The following DLG2 variants were observed in gnomAD, a reference collection of about 807,000 sequenced individuals.
DLG2 encodes the protein disks large homolog 2.
A neutral mutation model predicts 132.5 loss-of-function variants in DLG2; 45 were observed. The observed-to-expected ratio is 0.34, with a 90% CI of 0.27 to 0.44. DLG2 has a LOEUF of 0.44. DLG2 is among the 20% of genes least tolerant of loss of function. The pLI, the probability that DLG2 is intolerant of heterozygous loss-of-function variation, is 1.00. For synonymous variants in DLG2, 424 were observed against 419.6 expected (o/e 1.01, Z -0.13); for missense variants, 1,045 against 1,196.9 (o/e 0.87, Z 1.87).
At chr11:85,570,228 T>C (rs1002481901) in intron 3 of DLG2, among the ~76,000 whole-genome samples, 3 of 152,212 alleles carry the variant, frequency 2.0e-5, no homozygotes, top group African/African-American at 7.2e-5. Flanking sequence ...TAAATGTGGT[T>C]ATCTGATATT....
intron 4 of DLG2, among the ~76,000 whole-genome samples, chr11:85,232,823 A>T (rs1565192716): frequency 6.6e-6 from 1 of 152,024 alleles, no homozygotes; most frequent in East Asian, 1.9e-4. Flanking sequence ...TAACACATGG[A>T]AAGACAGGAA....
At chr11:84,963,279 G>A (rs2052850717) in intron 6 of DLG2, among the ~76,000 whole-genome samples, 1 of 152,092 alleles carries the variant, frequency 6.6e-6, no homozygotes, top group African/African-American at 2.4e-5. Flanking sequence ...ATTAATTCTT[G>A]AGCATTCAGT....
chr11:85,090,497 A>G (rs1183317771), intron 6 of DLG2, among the ~76,000 whole-genome samples: 1 of 152,168 alleles, frequency 6.6e-6, no homozygotes, highest in Admixed American at 6.5e-5. Flanking sequence ...ACATGCACTC[A>G]TATTTTCACA....
intron 3 of DLG2, among the ~76,000 whole-genome samples, chr11:85,597,917 T>C (rs1305847834): frequency 2.0e-5 from 3 of 151,566 alleles, no homozygotes; most frequent in African/African-American, 7.2e-5. Flanking sequence ...GGGAAAAGTA[T>C]TTGTTTATTT....
intron 6 of DLG2, among the ~76,000 whole-genome samples, chr11:84,760,163 C>T (rs912352732): frequency 6.6e-6 from 1 of 152,176 alleles, no homozygotes; most frequent in East Asian, 1.9e-4. Flanking sequence ...TCAATAGTAG[C>T]CAACACAGTC....
At chr11:83,887,865 T>C (rs984027546) in intron 15 of DLG2, among the ~76,000 whole-genome samples, 3 of 129,836 alleles carry the variant, frequency 2.3e-5, no homozygotes, top group East Asian at 2.3e-4. Context: ...ATTATCTCAA[T>C]AGATGCAGAA....
intron 6 of DLG2, among the ~76,000 whole-genome samples, chr11:84,921,192 T>C (rs1412296803): frequency 6.6e-6 from 1 of 152,166 alleles, no homozygotes; most frequent in Non-Finnish European, 1.5e-5. Context: ...CTGCAAACTC[T>C]TTGGCAAAAC....
At chr11:85,569,165 G>A (rs1481015008) in intron 3 of DLG2, among the ~76,000 whole-genome samples, 1 of 152,112 alleles carries the variant, frequency 6.6e-6, no homozygotes, top group African/African-American at 2.4e-5. Context: ...CTGAGTAGCT[G>A]GGATTACAGG....
At chr11:85,473,163 G>A (rs1260297910) in intron 3 of DLG2, among the ~76,000 whole-genome samples, 2 of 152,214 alleles carry the variant, frequency 1.3e-5, no homozygotes, top group African/African-American at 4.8e-5. Context: ...CGGCACACCT[G>A]GCTTGCCCTT....
At chr11:84,440,174 A>T (rs2099013283) in intron 7 of DLG2, among the ~76,000 whole-genome samples, 1 of 152,238 alleles carries the variant, frequency 6.6e-6, no homozygotes, top group African/African-American at 2.4e-5. Flanking sequence ...CTTATAAAAT[A>T]AATTGGCCCT....
chr11:84,331,024 T>C (rs528438626), intron 7 of DLG2, among the ~76,000 whole-genome samples: 23 of 152,328 alleles, frequency 1.5e-4, no homozygotes, highest in Non-Finnish European at 3.1e-4. Context: ...CTGATGGAAA[T>C]GGTTTTCTAA....
intron 6 of DLG2, among the ~76,000 whole-genome samples, chr11:84,601,212 C>T (rs1434096789): frequency 5.3e-5 from 8 of 151,938 alleles, no homozygotes; most frequent in African/African-American, 1.7e-4. Flanking sequence ...ACATTTGCCA[C>T]TGAAAGAATT....
chr11:84,059,277 T>G, intron 11 of DLG2, 38 bp downstream of exon 11: 1 of 1,599,066 alleles, frequency 6.3e-7, no homozygotes, highest in Non-Finnish European at 8.5e-7. Context: ...TCAGATGGTT[T>G]GTCACTAGTG....
intron 6 of DLG2, among the ~76,000 whole-genome samples, chr11:84,750,201 T>C (rs747434418): frequency 6.6e-6 from 1 of 152,158 alleles, no homozygotes; most frequent in Non-Finnish European, 1.5e-5. Flanking sequence ...ATGTGCACGA[T>C]ATTCAGGCTT....
At chr11:84,818,007 G>A (rs2077252424) in intron 6 of DLG2, among the ~76,000 whole-genome samples, 1 of 151,892 alleles carries the variant, frequency 6.6e-6, no homozygotes, top group Non-Finnish European at 1.5e-5. Flanking sequence ...CTGAGTACTA[G>A]CATATGCCAA....
At chr11:83,518,499 C>T (rs575861523) in intron 21 of DLG2, among the ~76,000 whole-genome samples, 6 of 152,254 alleles carry the variant, frequency 3.9e-5, no homozygotes, top group South Asian at 2.1e-4. Context: ...CCTGCTTCAG[C>T]GATGCCTCAC....
chr11:84,618,955 C>A (rs2099609226), intron 6 of DLG2, among the ~76,000 whole-genome samples: 1 of 151,782 alleles, frequency 6.6e-6, no homozygotes, highest in African/African-American at 2.4e-5. Flanking sequence ...TGTAAACAGA[C>A]CTCTTTGACT....
intron 6 of DLG2, among the ~76,000 whole-genome samples, chr11:85,091,575 T>G (rs971335923): frequency 3.3e-5 from 5 of 152,224 alleles, no homozygotes; most frequent in African/African-American, 1.2e-4. Context: ...TTGGAGTCAA[T>G]CCTCTTGAAT....
intron 6 of DLG2, among the ~76,000 whole-genome samples, chr11:85,074,523 C>T (rs1393818374): frequency 3.3e-5 from 5 of 151,728 alleles, no homozygotes; most frequent in African/African-American, 1.2e-4. Context: ...GGGAACATAC[C>T]TTCTAAAAAA....
Sources: gnomAD v4.1 joint callset for allele counts (sites outside exome capture counted in the v4.1 genomes callset) on GRCh38, gnomAD v4.1.1 for gene constraint, MANE v1.5 for transcripts, NCBI Gene and HGNC (gene_info 2026-07-23, HGNC 2026-07-21) for gene names.